The following VSNL1 variants were observed in gnomAD, a reference collection of about 807,000 sequenced individuals.
VSNL1 encodes the protein visinin-like protein 1.
In VSNL1, 6 loss-of-function variants were observed where a neutral mutation model predicts 20.4. That is an observed-to-expected ratio of 0.29 (90% confidence interval 0.16 to 0.58). VSNL1 has a LOEUF of 0.58. VSNL1 is among the 20% of genes least tolerant of loss of function. The probability of loss-of-function intolerance (pLI) is 0.90; values close to 1 mark genes in which losing one functional copy is unlikely to be tolerated. For synonymous variants in VSNL1, 93 were observed against 86.4 expected, an observed-to-expected ratio of 1.08 and a Z score of -0.42; for missense variants, 100 against 234.5, an observed-to-expected ratio of 0.43 and a Z score of 3.75.
intron 1 of VSNL1, among the ~76,000 whole-genome samples, chr2:17,581,163 G>T (rs1413920331): frequency 6.6e-6 from 1 of 151,910 alleles, no homozygotes; most frequent in Admixed American, 6.6e-5. Flanking sequence ...TATGTTAATC[G>T]TATTCCTCAG....
chr2:17,597,876 C>A (rs1397126862), intron 2 of VSNL1, among the ~76,000 whole-genome samples: 1 of 152,132 alleles, frequency 6.6e-6, no homozygotes, highest in East Asian at 1.9e-4. Flanking sequence ...TTCACTTCAC[C>A]AAACCATCTT....
chr2:17,628,879 C>T (rs1665571691), intron 2 of VSNL1, among the ~76,000 whole-genome samples: 1 of 152,236 alleles, frequency 6.6e-6, no homozygotes, highest in African/African-American at 2.4e-5. Flanking sequence ...CAGCTCTTCT[C>T]TGAGGTGATC....
intron 1 of VSNL1, among the ~76,000 whole-genome samples, chr2:17,563,660 G>A (rs930578501): frequency 1.3e-5 from 2 of 152,100 alleles, no homozygotes; most frequent in African/African-American, 4.8e-5. Context: ...AACTCAGGAG[G>A]CGGAGGTTGC....
At chr2:17,580,294 A>G (rs1191792056) in intron 1 of VSNL1, among the ~76,000 whole-genome samples, 1 of 152,200 alleles carries the variant, frequency 6.6e-6, no homozygotes, top group Non-Finnish European at 1.5e-5. Flanking sequence ...AGATCCGAGA[A>G]GCCTTGGGGA....
intron 1 of VSNL1, among the ~76,000 whole-genome samples, chr2:17,577,758 T>A (rs2103362230): frequency 1.3e-5 from 2 of 152,298 alleles, no homozygotes; most frequent in Middle Eastern, 6.8e-3. Context: ...AAATGTTACA[T>A]AAAGGCAGCA....
rs556144430 is a variant in VSNL1, at chr2:17,656,823, G to C, written c.*1429G>C. 59 of 152,330 alleles carry C rather than the reference G, an allele frequency of 3.9e-4. No individual in the cohort carries two copies. Among genetic ancestry groups the C allele is most frequent in the African/African-American group, 1.3e-3 (53 of 41,564 alleles). The allele number at this position is 152,330 out of a possible 1,614,324, so 9.4% of individuals were successfully genotyped here. A position where few individuals can be genotyped will look rare whatever the true frequency, so the allele number is the denominator to read the frequency against. ...CTACTGAGCACTTCAAGTATGGCTA[G>C]CGTGACTAAGGAACTGAATTTTATA... is the stretch of plus-strand genomic sequence containing the variant. On this transcript the variant is annotated 3_prime_UTR_variant, in exon 4 of 4. Transcript: ENST00000295156.
intron 3 of VSNL1, among the ~76,000 whole-genome samples, chr2:17,653,434 C>T (rs140216546): frequency 1.5e-3 from 226 of 152,254 alleles, no homozygotes; most frequent in African/African-American, 4.7e-3. Context: ...TACATGTGTA[C>T]GGGCCATTTG....
In VSNL1 at chr2:17,558,376, A is replaced by G. The variant is rs185174339; in HGVS notation, c.-6+17458A>G. Among the ~76,000 whole-genome samples, 11 of 152,342 alleles carry G rather than the reference A, an allele frequency of 7.2e-5. No homozygotes were observed. In the East Asian group the frequency reaches 1.9e-3, roughly 27 times the overall value. The stretch of plus-strand genomic sequence containing the variant: ...TATTATTGTGGTAATTAAATTATAA[A>G]TGTTGCCACATAGGTGTCATTTGAT... On this transcript the variant is annotated intron_variant, in intron 1 of 3. Transcript: ENST00000295156.
chr2:17,590,119 C>T (rs534368337), intron 1 of VSNL1, among the ~76,000 whole-genome samples: 5 of 152,278 alleles, frequency 3.3e-5, no homozygotes, highest in Admixed American at 1.3e-4. Flanking sequence ...CCTGATTGCT[C>T]GGTGATTGCT....
At chr2:17,622,519 A>AAAAG (rs1360420520) in intron 2 of VSNL1, among the ~76,000 whole-genome samples, 2 of 121,184 alleles carry the variant, frequency 1.7e-5, no homozygotes, top group Admixed American at 1.7e-4. Context: ...AGAAAGAAAG[A>AAAAG]AAAGAAAGAA....
intron 2 of VSNL1, among the ~76,000 whole-genome samples, chr2:17,622,563 AG>A (rs1186590901): frequency 2.6e-4 from 37 of 143,884 alleles, no homozygotes; most frequent in South Asian, 1.5e-3. Flanking sequence ...AAAGAAAGAA[AG>A]AAAGAAAGAA....
At chr2:17,620,763 T>C (rs909147489) in intron 2 of VSNL1, among the ~76,000 whole-genome samples, 3 of 152,066 alleles carry the variant, frequency 2.0e-5, no homozygotes, top group Non-Finnish European at 4.4e-5. Context: ...GGGTATAATA[T>C]AGTACAAAAA....
chr2:17,603,679 G>A (rs1664882690), intron 2 of VSNL1, among the ~76,000 whole-genome samples: 1 of 152,196 alleles, frequency 6.6e-6, no homozygotes, highest in Non-Finnish European at 1.5e-5. Flanking sequence ...GGTCCTGAAT[G>A]TGGTATACAA....
chr2:17,568,804 T>C (rs1664015908), intron 1 of VSNL1, among the ~76,000 whole-genome samples: 1 of 152,194 alleles, frequency 6.6e-6, no homozygotes, highest in South Asian at 2.1e-4. Flanking sequence ...AATGTCTTTA[T>C]CTCACTCTCA....
chr2:17,613,664 G>A (rs1372656844), intron 2 of VSNL1, among the ~76,000 whole-genome samples: 1 of 152,148 alleles, frequency 6.6e-6, no homozygotes, highest in Non-Finnish European at 1.5e-5. Flanking sequence ...TTTCTTCCTG[G>A]AGTGGGGAGT....
At chr2:17,545,450 T>C (rs1663385691) in intron 1 of VSNL1, among the ~76,000 whole-genome samples, 1 of 152,174 alleles carries the variant, frequency 6.6e-6, no homozygotes, top group Non-Finnish European at 1.5e-5. Flanking sequence ...TATTTTTACC[T>C]ATTTACAAGA....
intron 2 of VSNL1, among the ~76,000 whole-genome samples, chr2:17,636,815 C>T (rs72768609): frequency 6.6e-6 from 1 of 151,886 alleles, no homozygotes; most frequent in Admixed American, 6.6e-5. Context: ...TTTTATTGGA[C>T]AGGGCTGCTC....
intron 2 of VSNL1, among the ~76,000 whole-genome samples, chr2:17,625,261 G>A (rs755104241): frequency 2.0e-5 from 3 of 152,222 alleles, no homozygotes; most frequent in African/African-American, 4.8e-5. Flanking sequence ...GCCCAGTCTC[G>A]AGTATGTCTT....
intron 1 of VSNL1, among the ~76,000 whole-genome samples, chr2:17,542,062 G>A (rs533875653): frequency 4.3e-4 from 65 of 152,270 alleles, no homozygotes; most frequent in Non-Finnish European, 2.1e-4. Context: ...CCAGTTGAAG[G>A]CAAGAAAAGC....
Sources: allele counts gnomAD v4.1 joint callset (sites outside exome capture counted in the v4.1 genomes callset), GRCh38; gene constraint gnomAD v4.1.1; transcripts MANE v1.5; gene names NCBI Gene and HGNC (gene_info 2026-07-23, HGNC 2026-07-21).